SCAMP1: variants seen among roughly 807,000 people sequenced by gnomAD.
The protein encoded by SCAMP1 is secretory carrier membrane protein 1.
Under a neutral mutation model 41.8 loss-of-function variants are expected in SCAMP1, and 15 were observed. The ratio of observed to expected loss-of-function variants is 0.36; its 90% CI spans 0.24 to 0.55. The LOEUF (loss-of-function observed/expected upper bound fraction) is 0.55. SCAMP1 is among the 20% of genes least tolerant of loss of function. The pLI is 0.86. For synonymous variants in SCAMP1, 135 were observed against 136.8 expected (o/e 0.99, Z 0.09); for missense variants, 341 against 412.6 (o/e 0.83, Z 1.50).
rs75729170 is a variant in SCAMP1 at position 78,380,631 on chromosome 5, A to G, written c.58-8206A>G. Among the ~76,000 whole-genome samples, 554 of 152,104 alleles carry G rather than the reference A, an allele frequency of 3.6e-3. 6 individuals carry two copies. Among genetic ancestry groups the G allele is most frequent in the African/African-American group, 0.013 (530 of 41,476 alleles). ...GTATTTATTGGTTACTACTGCTGCT[A>G]TTATCTTGAAGAATTACTCTTTGGG... On this transcript the variant is annotated intron_variant, in intron 1 of 8. Transcript: ENST00000621999.
intron 8 of SCAMP1, among the ~76,000 whole-genome samples, chr5:78,469,310 A>G (rs1436609912): frequency 1.3e-5 from 2 of 152,102 alleles, no homozygotes; most frequent in Non-Finnish European, 2.9e-5. Context: ...CTAGGAATCA[A>G]TTCTGGATGG....
intron 6 of SCAMP1, among the ~76,000 whole-genome samples, chr5:78,422,419 C>A (rs1000822456): frequency 1.3e-5 from 2 of 151,660 alleles, no homozygotes; most frequent in Admixed American, 1.3e-4. Context: ...TTTATAAATC[C>A]ATTTTAGGTT....
At chr5:78,435,162 A>C (rs1437393963) in intron 6 of SCAMP1, among the ~76,000 whole-genome samples, 1 of 152,232 alleles carries the variant, frequency 6.6e-6, no homozygotes, top group Non-Finnish European at 1.5e-5. Flanking sequence ...ATAAATATAG[A>C]AAAGGAGAGC....
At position 78,445,892 on chromosome 5, in the gene SCAMP1, A is replaced by G. The variant is rs1455583264; in HGVS notation, c.633-4041A>G. Among the ~76,000 whole-genome samples the G allele has an allele frequency of 2.6e-5, 4 of 152,250 alleles. No homozygotes were observed. The East Asian group carries it at 7.7e-4, about 29-fold the overall frequency. On this transcript the variant is annotated intron_variant, in intron 6 of 8. Coordinates refer to ENST00000621999, the MANE Select transcript of SCAMP1 (RefSeq NM_004866.6). ...GAGATAAGAGTCTAGGTAGTTAAGT[A>G]AGTGCTGGGATATGGAGTTTATGTC...
At chr5:78,372,068 A>G (rs1318370529) in intron 1 of SCAMP1, among the ~76,000 whole-genome samples, 1 of 152,234 alleles carries the variant, frequency 6.6e-6, no homozygotes, top group African/African-American at 2.4e-5. Flanking sequence ...AAAACAATGC[A>G]TAGTGTAGAA....
At chr5:78,467,917 A>G (rs1434628948) in intron 8 of SCAMP1, among the ~76,000 whole-genome samples, 1 of 152,194 alleles carries the variant, frequency 6.6e-6, no homozygotes, top group Admixed American at 6.5e-5. Flanking sequence ...CTTTGCAGGT[A>G]TGTAGCAGTA....
At chr5:78,420,222 A>AT (rs1399171922) in intron 5 of SCAMP1, among the ~76,000 whole-genome samples, 5 of 152,238 alleles carry the variant, frequency 3.3e-5, no homozygotes, top group Admixed American at 3.3e-4. Flanking sequence ...CGCCTGGCTA[A>AT]TTTTTGTATT....
At chr5:78,398,746 T>C (rs904924159) in intron 2 of SCAMP1, among the ~76,000 whole-genome samples, 3 of 151,842 alleles carry the variant, frequency 2.0e-5, no homozygotes, top group Non-Finnish European at 2.9e-5. Flanking sequence ...GGTTTCACCA[T>C]GTTGGCCAGG....
chr5:78,376,170 C>T (rs1751059833), intron 1 of SCAMP1, among the ~76,000 whole-genome samples: 1 of 152,100 alleles, frequency 6.6e-6, no homozygotes, highest in Non-Finnish European at 1.5e-5. Context: ...TCTCTTTATA[C>T]TGTCTCTCTT....
intron 1 of SCAMP1, among the ~76,000 whole-genome samples, chr5:78,364,359 TTGAA>T (rs765866984): frequency 1.4e-4 from 22 of 152,332 alleles, no homozygotes; most frequent in Non-Finnish European, 3.1e-4. Context: ...TGATAATTGA[TTGAA>T]TAAGATAGTT....
chr5:78,459,415 C>T, intron 8 of SCAMP1, 53 bp downstream of exon 8: 5 of 887,942 alleles, frequency 5.6e-6, no homozygotes, highest in Non-Finnish European at 9.0e-6. Flanking sequence ...GTAAAGTTCT[C>T]ATTTTCCTAT....
Position 78,415,507 on chromosome 5 carries a change from T to C in SCAMP1, c.136-13T>C. On this transcript the variant is annotated splice_polypyrimidine_tract_variant and intron_variant, in intron 2 of 8. Coordinates refer to ENST00000621999, the MANE Select transcript of SCAMP1 (RefSeq NM_004866.6). ...TCTGTGTTACATAATTTTCCTTCTCTTAATCCTCCTAGCCTCCACCAGGCG... is the reference window on the plus strand; with the variant it reads ...TCTGTGTTACATAATTTTCCTTCTCCTAATCCTCCTAGCCTCCACCAGGCG... 6.5e-7 allele frequency: 1 copy of C among 1,545,324 alleles called. No homozygotes were observed. The highest frequency in any genetic ancestry group is 1.2e-5 in the South Asian group (1 of 84,636).
intron 8 of SCAMP1, among the ~76,000 whole-genome samples, chr5:78,474,240 T>TACC (rs933163270): frequency 1.2e-4 from 18 of 152,078 alleles, no homozygotes; most frequent in Admixed American, 8.5e-4. Context: ...TGCCTGCTAA[T>TACC]ACCATCATAT....
At chr5:78,453,746 G>A (rs1201197037) in intron 7 of SCAMP1, among the ~76,000 whole-genome samples, 3 of 152,150 alleles carry the variant, frequency 2.0e-5, no homozygotes, top group African/African-American at 4.8e-5. Flanking sequence ...GCTTTATGGC[G>A]ATGGCATTGA....
chr5:78,393,940 CCTG>C (rs772763448), intron 2 of SCAMP1, among the ~76,000 whole-genome samples: 14 of 152,032 alleles, frequency 9.2e-5, no homozygotes, highest in Non-Finnish European at 1.5e-4. Context: ...GATAGGGACA[CCTG>C]TGTGTGGGAG....
intron 8 of SCAMP1, among the ~76,000 whole-genome samples, chr5:78,460,722 T>A (rs1360726318): frequency 6.6e-6 from 1 of 151,756 alleles, no homozygotes; most frequent in African/African-American, 2.4e-5. Context: ...ATTCTCTCTT[T>A]CTTTCTTTTG....
At chr5:78,464,816 T>C (rs551476347) in intron 8 of SCAMP1, among the ~76,000 whole-genome samples, 20 of 152,296 alleles carry the variant, frequency 1.3e-4, no homozygotes, top group African/African-American at 4.6e-4. Context: ...ACCAGTATTA[T>C]GCCATTTTGT....
At chr5:78,469,898 AAAAAAAAAAAAAAAC>A (rs1753833973) in intron 8 of SCAMP1, among the ~76,000 whole-genome samples, 7 of 32,508 alleles carry the variant, frequency 2.2e-4, no homozygotes, top group South Asian at 1.2e-3. Flanking sequence ...ATTAAAAAAA[AAAAAAAAAAAAAAAC>A]AAAAAAAAAA....
chr5:78,375,462 A>G (rs1306376582), intron 1 of SCAMP1, among the ~76,000 whole-genome samples: 1 of 152,162 alleles, frequency 6.6e-6, no homozygotes, highest in Admixed American at 6.6e-5. Flanking sequence ...GGATTACATG[A>G]AATAATTAAG....
Sources: gnomAD v4.1 joint callset for allele counts (sites outside exome capture counted in the v4.1 genomes callset) on GRCh38, gnomAD v4.1.1 for gene constraint, MANE v1.5 for transcripts, NCBI Gene and HGNC (gene_info 2026-07-23, HGNC 2026-07-21) for gene names.